Variants in OXR1 observed in about 807,000 individuals in gnomAD.
OXR1 encodes oxidation resistance protein 1.
OXR1 carries 41 observed loss-of-function variants against 104.6 expected under a neutral mutation model. The ratio of observed to expected loss-of-function variants is 0.39; its 90% CI spans 0.31 to 0.51. The LOEUF (loss-of-function observed/expected upper bound fraction) is 0.51. Among genes scored for constraint, OXR1 ranks in the 20% least tolerant of loss-of-function variants. The probability of loss-of-function intolerance (pLI) is 0.77; values close to 1 mark genes in which losing one functional copy is unlikely to be tolerated. For synonymous variants in OXR1, 348 were observed against 348.4 expected (o/e 1.00, Z 0.01); for missense variants, 955 against 1,031.9 (o/e 0.93, Z 1.02).
intron 2 of OXR1, among the ~76,000 whole-genome samples, chr8:106,458,176 T>TA (rs1820708816): frequency 6.6e-6 from 1 of 152,102 alleles, no homozygotes; most frequent in African/African-American, 2.4e-5. Context: ...CCCAAAGGCA[T>TA]TTCAAAGATT....
At chr8:106,672,691 C>T (rs1020097896) in intron 3 of OXR1, among the ~76,000 whole-genome samples, 1 of 152,114 alleles carries the variant, frequency 6.6e-6, no homozygotes, top group African/African-American at 2.4e-5. Context: ...CGATAATCCC[C>T]ACATATCAAG....
At chr8:106,562,565 G>A (rs977742640) in intron 3 of OXR1, among the ~76,000 whole-genome samples, 2 of 152,146 alleles carry the variant, frequency 1.3e-5, no homozygotes, top group African/African-American at 4.8e-5. Context: ...TTATCCAGGA[G>A]AACTTGCCCA....
At chr8:106,495,318 A>G (rs915810987) in intron 2 of OXR1, among the ~76,000 whole-genome samples, 5 of 152,172 alleles carry the variant, frequency 3.3e-5, no homozygotes, top group African/African-American at 1.2e-4. Flanking sequence ...AGTGTTAGGA[A>G]TGAAGAGCTA....
At chr8:106,341,421 A>G (rs1815243576) in intron 1 of OXR1, among the ~76,000 whole-genome samples, 1 of 140,102 alleles carries the variant, frequency 7.1e-6, no homozygotes, top group African/African-American at 2.9e-5. Context: ...TCTAACAAAC[A>G]GTATTATTAA....
intron 1 of OXR1, among the ~76,000 whole-genome samples, chr8:106,282,633 TATAAG>T (rs1222057006): frequency 6.6e-6 from 1 of 152,164 alleles, no homozygotes; most frequent in African/African-American, 2.4e-5. Context: ...TTAAGAAAAT[TATAAG>T]GAAGATAACA....
intron 3 of OXR1, among the ~76,000 whole-genome samples, chr8:106,677,071 G>A (rs1276557766): frequency 1.3e-5 from 2 of 152,056 alleles, no homozygotes; most frequent in African/African-American, 2.4e-5. Context: ...AAAGCTATTA[G>A]GCAAAGTAAA....
At chr8:106,570,792 A>G (rs1817417848) in intron 3 of OXR1, among the ~76,000 whole-genome samples, 1 of 152,152 alleles carries the variant, frequency 6.6e-6, no homozygotes, top group Non-Finnish European at 1.5e-5. Context: ...CCAACATTCT[A>G]CTGTGAACAG....
intron 2 of OXR1, among the ~76,000 whole-genome samples, chr8:106,393,268 T>C (rs1817651898): frequency 2.0e-5 from 3 of 152,194 alleles, no homozygotes; most frequent in Admixed American, 2.0e-4. Flanking sequence ...AATTTCCTAA[T>C]GGTAAATTGA....
At chr8:106,668,567 A>G (rs1214186723) in intron 3 of OXR1, among the ~76,000 whole-genome samples, 2 of 152,152 alleles carry the variant, frequency 1.3e-5, no homozygotes, top group Non-Finnish European at 2.9e-5. Context: ...AAGAAGTACA[A>G]TTTTGGCTCC....
intron 3 of OXR1, among the ~76,000 whole-genome samples, chr8:106,633,984 T>C (rs1288145022): frequency 1.3e-5 from 2 of 152,216 alleles, no homozygotes; most frequent in Non-Finnish European, 2.9e-5. Context: ...ATAATTCATA[T>C]TGGATTTACC....
At chr8:106,543,253 C>G (rs1020445997) in intron 3 of OXR1, among the ~76,000 whole-genome samples, 6 of 152,092 alleles carry the variant, frequency 3.9e-5, no homozygotes, top group African/African-American at 1.4e-4. Context: ...GTGTTCATGT[C>G]ATTGTTTTTT....
At chr8:106,608,694 C>G (rs957870985) in intron 3 of OXR1, among the ~76,000 whole-genome samples, 2 of 152,210 alleles carry the variant, frequency 1.3e-5, no homozygotes, top group African/African-American at 4.8e-5. Flanking sequence ...ACTCTCAGTA[C>G]CCAGTGACAG....
intron 3 of OXR1, among the ~76,000 whole-genome samples, chr8:106,592,207 T>C (rs1166076021): frequency 6.6e-6 from 1 of 152,166 alleles, no homozygotes; most frequent in Non-Finnish European, 1.5e-5. Context: ...GTACTCAAAA[T>C]GGAGAAGTGA....
chr8:106,453,072 G>A (rs999247940), intron 2 of OXR1, among the ~76,000 whole-genome samples: 5 of 152,024 alleles, frequency 3.3e-5, no homozygotes, highest in Admixed American at 1.3e-4. Flanking sequence ...TTCTTGCATC[G>A]TAGAAGAATG....
At chr8:106,486,429 T>G (rs1810662192) in intron 2 of OXR1, among the ~76,000 whole-genome samples, 1 of 151,994 alleles carries the variant, frequency 6.6e-6, no homozygotes, top group South Asian at 2.1e-4. Flanking sequence ...GAGTCCACTA[T>G]GTCAAGAAGT....
chr8:106,498,965 ATCCT>A (rs1811592971), intron 2 of OXR1, among the ~76,000 whole-genome samples: 1 of 18,692 alleles, frequency 5.3e-5, no homozygotes, highest in African/African-American at 2.4e-4. Context: ...GATCGAGACC[ATCCT>A]GGCTAACAAG....
intron 1 of OXR1, among the ~76,000 whole-genome samples, chr8:106,294,802 A>T (rs1812921821): frequency 6.6e-6 from 1 of 152,188 alleles, no homozygotes; most frequent in East Asian, 1.9e-4. Flanking sequence ...AAACCATATC[A>T]CAGGGTAACT....
intron 2 of OXR1, among the ~76,000 whole-genome samples, chr8:106,436,520 T>C (rs59746221): frequency 0.26 from 34,120 of 130,498 alleles, 5,316 homozygotes; most frequent in African/African-American, 0.49. Context: ...TTTGTGCCTA[T>C]GCAAAAAAAA....
chr8:106,273,036 T>A (rs927755296), intron 1 of OXR1: 1 of 152,094 alleles, frequency 6.6e-6, no homozygotes, highest in Non-Finnish European at 1.5e-5. Flanking sequence ...CATTATAGAA[T>A]GCTAAATTTA....
Sources: allele counts gnomAD v4.1 joint callset (sites outside exome capture counted in the v4.1 genomes callset), GRCh38; gene constraint gnomAD v4.1.1; transcripts MANE v1.5; gene names NCBI Gene and HGNC (gene_info 2026-07-23, HGNC 2026-07-21).